The following KCNIP4 variants were observed in gnomAD, a reference collection of about 807,000 sequenced individuals.
KCNIP4 encodes the protein potassium voltage-gated channel interacting protein 4.
In KCNIP4, 12 loss-of-function variants were observed where a neutral mutation model predicts 34.0. That is an observed-to-expected ratio of 0.35 (90% CI 0.23 to 0.57). The LOEUF (loss-of-function observed/expected upper bound fraction) is 0.57, where lower values mean the gene tolerates loss of function less well. Ranked by LOEUF, KCNIP4 falls within the 20% of genes least tolerant of loss-of-function variation. KCNIP4 has a pLI of 0.83. For missense variants in KCNIP4, 238 were observed against 311.7 expected, an observed-to-expected ratio of 0.76 and a Z score of 1.78; for synonymous variants, 124 against 102.2, an observed-to-expected ratio of 1.21 and a Z score of -1.29.
chr4:20,925,224 G>T (rs1389975425), intron 1 of KCNIP4, among the ~76,000 whole-genome samples: 2 of 152,088 alleles, frequency 1.3e-5, no homozygotes, highest in African/African-American at 4.8e-5. Flanking sequence ...ATGACTATTG[G>T]CTATTTGAAT....
intron 1 of KCNIP4, among the ~76,000 whole-genome samples, chr4:21,397,583 AC>A (rs1723113594): frequency 6.6e-6 from 1 of 152,220 alleles, no homozygotes. Flanking sequence ...GAGTTTTTTT[AC>A]AGGATCCTTC....
At chr4:21,854,795 A>G (rs1578073503) in intron 1 of KCNIP4, among the ~76,000 whole-genome samples, 1 of 152,186 alleles carries the variant, frequency 6.6e-6, no homozygotes, top group East Asian at 1.9e-4. Flanking sequence ...GGATCTCCCT[A>G]TTTCTTCTTT....
intron 1 of KCNIP4, among the ~76,000 whole-genome samples, chr4:21,436,074 G>A (rs958687665): frequency 6.6e-6 from 1 of 152,142 alleles, no homozygotes; most frequent in Admixed American, 6.5e-5. Context: ...CATTTAGACG[G>A]CACATTTCTC....
At chr4:21,257,595 C>A (rs1761148353) in intron 1 of KCNIP4, among the ~76,000 whole-genome samples, 1 of 151,764 alleles carries the variant, frequency 6.6e-6, no homozygotes, top group Non-Finnish European at 1.5e-5. Flanking sequence ...CTAAAAAATA[C>A]AAAAATTAGC....
chr4:21,699,568 C>T (rs1274877532), intron 1 of KCNIP4, among the ~76,000 whole-genome samples: 1 of 152,070 alleles, frequency 6.6e-6, no homozygotes, highest in African/African-American at 2.4e-5. Flanking sequence ...AAGGAACTGA[C>T]CGTGAGATGT....
intron 1 of KCNIP4, among the ~76,000 whole-genome samples, chr4:21,177,878 A>ATATATATATATATATATATATATAT (rs397839047): frequency 2.7e-5 from 4 of 145,482 alleles, no homozygotes; most frequent in African/African-American, 1.1e-4. Context: ...ATATATATAT[A>ATATATATATATATATATATATATAT]AAATATAACA....
At chr4:21,316,049 CT>C (rs1288740518) in intron 1 of KCNIP4, among the ~76,000 whole-genome samples, 2 of 152,180 alleles carry the variant, frequency 1.3e-5, no homozygotes, top group Non-Finnish European at 2.9e-5. Flanking sequence ...CCTTTTCCTT[CT>C]GAGAAATTCT....
intron 1 of KCNIP4, among the ~76,000 whole-genome samples, chr4:21,157,842 C>T (rs1192018971): frequency 6.6e-6 from 1 of 151,574 alleles, no homozygotes; most frequent in Non-Finnish European, 1.5e-5. Context: ...GAGCAGAAAA[C>T]AGTAAAATAG....
At chr4:21,062,495 G>C (rs1015857349) in intron 1 of KCNIP4, among the ~76,000 whole-genome samples, 18 of 151,744 alleles carry the variant, frequency 1.2e-4, no homozygotes, top group Non-Finnish European at 2.6e-4. Flanking sequence ...GTTCTCCAGA[G>C]AAACAGAACC....
intron 1 of KCNIP4, among the ~76,000 whole-genome samples, chr4:21,798,069 C>T (rs1720735703): frequency 6.6e-6 from 1 of 151,878 alleles, no homozygotes; most frequent in African/African-American, 2.4e-5. Context: ...TGCAATTCTC[C>T]TTTCCTTTCC....
intron 1 of KCNIP4, among the ~76,000 whole-genome samples, chr4:20,920,613 T>C (rs369402512): frequency 2.6e-5 from 4 of 152,138 alleles, no homozygotes; most frequent in South Asian, 2.1e-4. Context: ...TTATGAGACA[T>C]GCACAGTACA....
intron 1 of KCNIP4, among the ~76,000 whole-genome samples, chr4:21,089,162 C>T (rs1048315626): frequency 1.3e-5 from 2 of 152,094 alleles, no homozygotes; most frequent in Non-Finnish European, 2.9e-5. Context: ...ATTGTATTCT[C>T]CAATGTTGGA....
rs893160307 is a variant in KCNIP4 at position 21,626,865 on chromosome 4, AT to A, written c.61+321705del. On this transcript the variant is annotated intron_variant, in intron 1 of 8. Transcript: ENST00000382152. ...CTGTGCATTTCTAAAACTGAGTTCC[AT>A]TTTTTTTTTCCCCAGGCTACACTCT... Among the ~76,000 whole-genome samples the A allele has an allele frequency of 1.1e-3, 168 of 149,322 alleles. 2 individuals carry two copies. In the East Asian group the frequency reaches 0.029, roughly 26 times the overall value.
intron 1 of KCNIP4, among the ~76,000 whole-genome samples, chr4:21,371,771 T>C (rs1220485582): frequency 6.8e-6 from 1 of 147,292 alleles, no homozygotes; most frequent in East Asian, 2.0e-4. Flanking sequence ...GATTATATTA[T>C]GTAAATCTAA....
chr4:20,780,430 A>G (rs1213337342), intron 3 of KCNIP4, among the ~76,000 whole-genome samples: 2 of 152,216 alleles, frequency 1.3e-5, no homozygotes, highest in African/African-American at 4.8e-5. Context: ...CCAATGAACA[A>G]AGATTTTAAA....
chr4:21,817,764 G>T (rs992565778), intron 1 of KCNIP4, among the ~76,000 whole-genome samples: 5 of 152,100 alleles, frequency 3.3e-5, no homozygotes, highest in Admixed American at 2.6e-4. Flanking sequence ...GAAAAACTCT[G>T]CCCTGGTAAT....
At chr4:21,623,068 G>A (rs928036481) in intron 1 of KCNIP4, among the ~76,000 whole-genome samples, 2 of 152,182 alleles carry the variant, frequency 1.3e-5, no homozygotes, top group Non-Finnish European at 2.9e-5. Context: ...AGCAGCAAAT[G>A]TCCTTGTGTT....
chr4:21,314,232 T>G (rs921473888), intron 1 of KCNIP4, among the ~76,000 whole-genome samples: 3 of 152,194 alleles, frequency 2.0e-5, no homozygotes, highest in African/African-American at 7.2e-5. Flanking sequence ...CTCTGACCTC[T>G]TTTCAGGGCT....
At chr4:21,129,733 A>G (rs1243225354) in intron 1 of KCNIP4, among the ~76,000 whole-genome samples, 1 of 152,116 alleles carries the variant, frequency 6.6e-6, no homozygotes. Flanking sequence ...ACTTTATAAT[A>G]TAGATAGACA....
Sources: gnomAD v4.1 joint callset for allele counts (sites outside exome capture counted in the v4.1 genomes callset) on GRCh38, gnomAD v4.1.1 for gene constraint, MANE v1.5 for transcripts, NCBI Gene and HGNC (gene_info 2026-07-23, HGNC 2026-07-21) for gene names.